TRAF2: variants seen among roughly 807,000 people sequenced by gnomAD.
TRAF2 encodes TNF receptor-associated factor 2.
A neutral mutation model predicts 55.6 loss-of-function variants in TRAF2; 6 were observed. That is an observed-to-expected ratio of 0.11 (90% CI 0.06 to 0.21). The LOEUF (loss-of-function observed/expected upper bound fraction) is 0.21. TRAF2 is among the 10% of genes least tolerant of loss of function. The pLI is 1.00. For synonymous variants in TRAF2, 329 were observed against 276.3 expected, an observed-to-expected ratio of 1.19 and a Z score of -1.89; for missense variants, 561 against 684.5, an observed-to-expected ratio of 0.82 and a Z score of 2.01.
At chr9:136,885,083 T>C (rs564732706), upstream of TRAF2, among the ~76,000 whole-genome samples, 1 of 152,328 alleles carries the variant, frequency 6.6e-6, no homozygotes, top group Admixed American at 6.5e-5. Context: ...GAGTTCCATC[T>C]CAAGGCCTTG....
At chr9:136,914,500 C>T (rs1018359420) in intron 6 of TRAF2, among the ~76,000 whole-genome samples, 7 of 152,186 alleles carry the variant, frequency 4.6e-5, no homozygotes, top group African/African-American at 1.7e-4. Context: ...CACTTCTTCC[C>T]GCAGCCCAGT....
rs764701854 is a variant in TRAF2 at position 136,918,227 on chromosome 9, TTATATA to T, written c.678+1638_678+1643del. Among the ~76,000 whole-genome samples, 71 of 68,076 alleles carry T rather than the reference TTATATA, an allele frequency of 1.0e-3. 1 individual carries two copies. Among genetic ancestry groups the T allele is most frequent in the African/African-American group, 2.9e-3 (37 of 12,584 alleles). The allele number at this position is 68,076 out of a possible 152,430, so 44.7% of individuals were successfully genotyped here. ...CTGTAATTTTTTTAGAGTGTTTTGT[TTATATA>T]TATATATATATATATATATATATAT... On this transcript the variant is annotated intron_variant, in intron 7 of 10. Transcript: ENST00000247668.
At chr9:136,884,720 C>T (rs112075082), upstream of TRAF2, among the ~76,000 whole-genome samples, 4 of 152,248 alleles carry the variant, frequency 2.6e-5, no homozygotes, top group Non-Finnish European at 5.9e-5. Context: ...CCACACCCAG[C>T]TAAATTTTTT....
chr9:136,915,381 T>C (rs892234185), intron 6 of TRAF2, among the ~76,000 whole-genome samples: 2 of 151,894 alleles, frequency 1.3e-5, no homozygotes, highest in African/African-American at 2.4e-5. Flanking sequence ...GGTGTGAAGG[T>C]TGGACGTGCC....
chr9:136,888,266 G>A (rs1486186017), intron 1 of TRAF2, among the ~76,000 whole-genome samples: 2 of 152,158 alleles, frequency 1.3e-5, no homozygotes, highest in Non-Finnish European at 2.9e-5. Context: ...ACTCAGATGA[G>A]CTTTTATAGA....
chr9:136,920,395 C>T lies in TRAF2; in HGVS notation c.840C>T (p.Ala280=), dbSNP rs773215776. Residue 280 remains alanine, a synonymous_variant, in exon 8 of 11, where the codon GCC becomes GCT. Transcript: ENST00000247668. ...QRCESLEKKT[A]TFENIVCVLN... is the part of the protein sequence containing the mutation. ...GCGAGAGCCTGGAGAAGAAGACGGCCACTTTTGAGAACATTGTCTGCGTCC... is the reference window on the plus strand; with the variant it reads ...GCGAGAGCCTGGAGAAGAAGACGGCTACTTTTGAGAACATTGTCTGCGTCC... 1.2e-6 allele frequency: 2 copies of T among 1,614,112 alleles called. No homozygotes were observed. Among genetic ancestry groups the T allele is most frequent in the South Asian group, 2.2e-5 (2 of 91,086 alleles).
intron 1 of TRAF2, among the ~76,000 whole-genome samples, chr9:136,889,304 A>T (rs1588415903): frequency 7.6e-6 from 1 of 132,032 alleles, no homozygotes; most frequent in Admixed American, 8.3e-5. Context: ...TTTTTTTGAG[A>T]CAGAGTTTCG....
rs529446126 is a variant in TRAF2 at position 136,923,837 on chromosome 9, C to T, written c.1139-15C>T. ...CTGAGTGTCAGCTCACCAGGCACCC[C>T]TCCTGCCTCCCCAGCCTTCTACACC... is the stretch of plus-strand genomic sequence containing the variant. On this transcript the variant is annotated splice_polypyrimidine_tract_variant and intron_variant, in intron 9 of 10. Transcript: ENST00000247668. The T allele has an allele frequency of 2.7e-5, 44 of 1,612,312 alleles. No homozygotes were observed. In the African/African-American group the frequency reaches 4.8e-4, roughly 18 times the overall value.
chr9:136,916,952 G>A (rs1355790620), intron 7 of TRAF2, among the ~76,000 whole-genome samples: 4 of 152,108 alleles, frequency 2.6e-5, no homozygotes, highest in African/African-American at 7.2e-5. Flanking sequence ...CTCCTTGGCC[G>A]CTGTCTCCCT....
upstream of TRAF2, among the ~76,000 whole-genome samples, chr9:136,883,861 C>T (rs573230727): frequency 7.7e-5 from 11 of 142,800 alleles, no homozygotes; most frequent in South Asian, 1.1e-3. Context: ...CTTGCTCTGT[C>T]GCCAGGCTGG....
At chr9:136,888,470 G>C (rs1410056474) in intron 1 of TRAF2, among the ~76,000 whole-genome samples, 1 of 152,162 alleles carries the variant, frequency 6.6e-6, no homozygotes, top group African/African-American at 2.4e-5. Flanking sequence ...CTTACGTGGA[G>C]TCCAGTATTG....
upstream of TRAF2, chr9:136,882,716 T>C: frequency 1.0e-6 from 1 of 985,380 alleles, no homozygotes; most frequent in South Asian, 4.7e-5. Flanking sequence ...CCAGAGTGAG[T>C]CACCCCTTTC....
intron 10 of TRAF2, among the ~76,000 whole-genome samples, chr9:136,924,257 CTA>C (rs1167874315): frequency 1.3e-5 from 2 of 152,232 alleles, no homozygotes; most frequent in African/African-American, 4.8e-5. Flanking sequence ...ATAAATATGA[CTA>C]AGAAAAAGCA....
At chr9:136,901,321 G>C (rs1433314807) in intron 4 of TRAF2, among the ~76,000 whole-genome samples, 1 of 152,204 alleles carries the variant, frequency 6.6e-6, no homozygotes, top group East Asian at 1.9e-4. Context: ...AGGATTCCTG[G>C]AGTAACACTG....
chr9:136,924,846 C>G (rs1481920215), intron 10 of TRAF2, among the ~76,000 whole-genome samples: 1 of 152,074 alleles, frequency 6.6e-6, no homozygotes, highest in Non-Finnish European at 1.5e-5. Context: ...TCAAGCGATT[C>G]TCCTGCCTCA....
At chr9:136,884,761 C>A (rs1849415352), upstream of TRAF2, among the ~76,000 whole-genome samples, 1 of 152,218 alleles carries the variant, frequency 6.6e-6, no homozygotes, top group South Asian at 2.1e-4. Flanking sequence ...GGGGTTCCCC[C>A]ATGCTGCCCA....
intron 1 of TRAF2, among the ~76,000 whole-genome samples, chr9:136,896,765 C>A (rs1006524079): frequency 1.3e-5 from 2 of 152,116 alleles, no homozygotes; most frequent in Admixed American, 1.3e-4. Context: ...CCCGCCGCCA[C>A]GCCCGGCTAA....
chr9:136,901,525 CTG>C (rs1849820030), intron 4 of TRAF2, among the ~76,000 whole-genome samples: 2 of 152,210 alleles, frequency 1.3e-5, no homozygotes, highest in African/African-American at 4.8e-5. Flanking sequence ...GACAGATCCT[CTG>C]TGATTCCACT....
intron 1 of TRAF2, among the ~76,000 whole-genome samples, chr9:136,898,193 C>T (rs1849730017): frequency 2.0e-5 from 3 of 152,184 alleles, no homozygotes; most frequent in Admixed American, 6.5e-5. Flanking sequence ...GCTGGTCTGG[C>T]GGCATGGCTC....
Sources: allele counts gnomAD v4.1 joint callset (sites outside exome capture counted in the v4.1 genomes callset), GRCh38; gene constraint gnomAD v4.1.1; transcripts MANE v1.5; gene names NCBI Gene and HGNC (gene_info 2026-07-23, HGNC 2026-07-21).